The following SLCO4A1 variants were observed in gnomAD, a reference collection of about 807,000 sequenced individuals.
The protein encoded by SLCO4A1 is colon organic anion transporter.
In SLCO4A1, 51 loss-of-function variants were observed where a neutral mutation model predicts 64.6. That is an observed-to-expected ratio of 0.79 (90% confidence interval 0.63 to 1.00). The LOEUF (loss-of-function observed/expected upper bound fraction) is 1.00, where lower values mean the gene tolerates loss of function less well. Ranked by LOEUF, SLCO4A1 falls within the 50% of genes least tolerant of loss-of-function variation. The probability of loss-of-function intolerance (pLI) is 0.00; values close to 1 mark genes in which losing one functional copy is unlikely to be tolerated. For missense variants in SLCO4A1, 919 were observed against 980.5 expected, an observed-to-expected ratio of 0.94 and a Z score of 0.84; for synonymous variants, 471 against 444.9, an observed-to-expected ratio of 1.06 and a Z score of -0.74.
At position 62,659,186 on chromosome 20, in the gene SLCO4A1, G is replaced by A. The variant is rs150668471; in HGVS notation, c.887+419G>A. 7.2e-5 allele frequency among the ~76,000 whole-genome samples: 11 copies of A among 152,326 alleles called. No homozygotes were observed. The South Asian group carries it at 1.7e-3, about 23-fold the overall frequency. On this transcript the variant is annotated intron_variant, in intron 3 of 11. Transcript: ENST00000217159. ...AGAGACAGAGGGAAAGACACGTAGA[G>A]ACAGACCAATTCACAGAGACAGATG...
At chr20:62,643,123 G>C in intron 1 of SLCO4A1, 1 of 434,418 alleles carries the variant, frequency 2.3e-6, no homozygotes, top group South Asian at 1.6e-5. Flanking sequence ...TCTCCGGGAG[G>C]GGAGCGCGGG....
chr20:62,676,853 A>G (rs1471299628), downstream of SLCO4A1, among the ~76,000 whole-genome samples: 11 of 152,260 alleles, frequency 7.2e-5, no homozygotes, highest in Non-Finnish European at 1.6e-4. Flanking sequence ...TGTTCACGGC[A>G]ATGTTGCTCA....
chr20:62,690,029 C>T (rs6011664), downstream of SLCO4A1, among the ~76,000 whole-genome samples: 46,384 of 152,194 alleles, frequency 0.3, 7,344 homozygotes, highest in Middle Eastern at 0.35. Context: ...GCCTGCTTTG[C>T]GCCTGCGCGG....
Position 62,661,128 on chromosome 20 carries a change from G to C in SLCO4A1, c.1074G>C (p.Gly358=), listed in dbSNP as rs2147086022. 6.2e-7 allele frequency: 1 copy of C among 1,609,544 alleles called. No homozygotes were observed. The highest frequency in any genetic ancestry group is 8.5e-7 in the Non-Finnish European group (1 of 1,177,486). ...ACCAGTTGAAGGACAGCAGCCGTGG[G>C]GAGGCGAGCAACCCGGACTTTGGGA... ...EMHQLKDSSR[G]EASNPDFGKT... Residue 358 remains glycine (G), a synonymous_variant, in exon 5 of 12, where the codon GGG becomes GGC. Transcript: ENST00000217159. This position sits in a 1 kb window ranked among gnomAD's most constrained non-coding sequence, Gnocchi z 5.2.
chr20:62,673,171 G>GA (rs1569152336), downstream of SLCO4A1, among the ~76,000 whole-genome samples: 2 of 142,820 alleles, frequency 1.4e-5, 1 homozygote, highest in Non-Finnish European at 3.2e-5. Context: ...GCATGGGGGG[G>GA]GCACAGAGGG....
At chr20:62,682,516 A>T (rs944786364) in intron 2 of SLCO4A1, among the ~76,000 whole-genome samples, 1 of 152,204 alleles carries the variant, frequency 6.6e-6, no homozygotes, top group Non-Finnish European at 1.5e-5. Context: ...CATGGAGACC[A>T]CGGAGGGGAC....
chr20:62,666,778 C>T, intron 7 of SLCO4A1: 1 of 597,208 alleles, frequency 1.7e-6, no homozygotes, highest in Non-Finnish European at 3.0e-6. Flanking sequence ...CCAGCAGTGC[C>T]TGCGCTTGGG....
At chr20:62,648,313 G>A (rs530444834) in intron 1 of SLCO4A1, among the ~76,000 whole-genome samples, 3 of 152,358 alleles carry the variant, frequency 2.0e-5, no homozygotes, top group Non-Finnish European at 4.4e-5. Context: ...CTAAGGCTCC[G>A]CCTCAGATGT....
At chr20:62,669,342 C>T (rs1986917836) in intron 11 of SLCO4A1, among the ~76,000 whole-genome samples, 1 of 152,244 alleles carries the variant, frequency 6.6e-6, no homozygotes, top group Non-Finnish European at 1.5e-5. Context: ...CTCCCTCTCC[C>T]ACCTCCTGGG....
At chr20:62,674,792 C>G (rs901729822), downstream of SLCO4A1, among the ~76,000 whole-genome samples, 3 of 152,162 alleles carry the variant, frequency 2.0e-5, no homozygotes, top group African/African-American at 4.8e-5. Context: ...ATTCGTAGCC[C>G]TGTAACAGAG....
downstream of SLCO4A1, chr20:62,672,514 G>A (rs995306700): frequency 1.3e-5 from 2 of 159,548 alleles, no homozygotes; most frequent in African/African-American, 4.8e-5. Flanking sequence ...TGTGGGAGAT[G>A]GAACTGGAGG....
At chr20:62,648,963 T>C (rs934231847) in intron 1 of SLCO4A1, 11 of 152,258 alleles carry the variant, frequency 7.2e-5, no homozygotes, top group African/African-American at 2.4e-4. Context: ...TACCAAAGTA[T>C]GGAAGGACTG....
chr20:62,666,122 C>CCCTTCCCCTTCCCCTTT (rs1986254192), intron 6 of SLCO4A1: 1 of 49,184 alleles, frequency 2.0e-5, no homozygotes. Context: ...CCCCCCGCTC[C>CCCTTCCCCTTCCCCTTT]CCCTTCCCCT....
chr20:62,676,392 C>T (rs1282083841), downstream of SLCO4A1, among the ~76,000 whole-genome samples: 1 of 152,156 alleles, frequency 6.6e-6, no homozygotes. Flanking sequence ...TGCACTCTGG[C>T]CTGGGTGGCA....
rs1319492577 is a variant in SLCO4A1, at chr20:62,656,396, G to A, written c.-59G>A. On this transcript the variant is annotated 5_prime_UTR_variant, in exon 2 of 12. Coordinates refer to ENST00000217159, the MANE Select transcript of SLCO4A1 (RefSeq NM_016354.4). ...CCTCGGATACCACTTGGCCACTCCC[G>A]CTGAGGCCACTCCCACTGCGTGGCT... The A allele has an allele frequency of 5.3e-5, 75 of 1,412,930 alleles. No individual in the cohort carries two copies. The East Asian group carries it at 1.6e-3, about 30-fold the overall frequency. 87.5% of individuals were successfully genotyped at this position (1,412,930 alleles called of 1,614,324 possible).
At chr20:62,659,521 G>A (rs549127452) in intron 3 of SLCO4A1, among the ~76,000 whole-genome samples, 101 of 152,230 alleles carry the variant, frequency 6.6e-4, no homozygotes, top group Non-Finnish European at 1.3e-3. Flanking sequence ...AAGTGTGTGC[G>A]TTCTGGGCAG....
chr20:62,659,847 A>G (rs961524742), intron 3 of SLCO4A1, among the ~76,000 whole-genome samples: 2 of 152,176 alleles, frequency 1.3e-5, no homozygotes, highest in Admixed American at 1.3e-4. Flanking sequence ...GCTTGTCCTC[A>G]CTGTGAAGAC....
At chr20:62,655,146 G>A (rs916842234) in intron 1 of SLCO4A1, among the ~76,000 whole-genome samples, 1 of 152,224 alleles carries the variant, frequency 6.6e-6, no homozygotes, top group East Asian at 1.9e-4. Context: ...ATAACAGGAG[G>A]TGCCCCAGAT....
intron 10 of SLCO4A1, 53 bp downstream of exon 10, chr20:62,668,594 C>T (rs1986807656): frequency 2.7e-6 from 4 of 1,500,410 alleles, no homozygotes; most frequent in Non-Finnish European, 2.8e-6. Flanking sequence ...GCTCACTGCA[C>T]AAGGGCATGG....
Sources: gnomAD v4.1 joint callset for allele counts (sites outside exome capture counted in the v4.1 genomes callset) on GRCh38, gnomAD v4.1.1 for gene constraint, Gnocchi (gnomAD v3.1) non-coding constraint, MANE v1.5 for transcripts, NCBI Gene and HGNC (gene_info 2026-07-23, HGNC 2026-07-21) for gene names.